Variants in PDE1C observed in about 807,000 individuals in gnomAD.
The protein encoded by PDE1C is phosphodiesterase 1C.
A neutral mutation model predicts 93.1 loss-of-function variants in PDE1C; 62 were observed. The observed-to-expected ratio is 0.67, with a 90% confidence interval of 0.54 to 0.82. PDE1C has a LOEUF of 0.82. Ranked by LOEUF, PDE1C falls within the 40% of genes least tolerant of loss-of-function variation. The pLI, the probability that PDE1C is intolerant of heterozygous loss-of-function variation, is 0.00. For missense variants in PDE1C, 742 were observed against 884.6 expected, an observed-to-expected ratio of 0.84 and a Z score of 2.04; for synonymous variants, 325 against 310.1, an observed-to-expected ratio of 1.05 and a Z score of -0.50.
At chr7:32,113,249 A>ATG (rs1200101836) in intron 3 of PDE1C, among the ~76,000 whole-genome samples, 1 of 138,104 alleles carries the variant, frequency 7.2e-6, no homozygotes, top group Non-Finnish European at 1.5e-5. Flanking sequence ...ATATATATAT[A>ATG]TATATATATA....
At chr7:32,072,789 A>G (rs1316188375), upstream of PDE1C, among the ~76,000 whole-genome samples, 1 of 152,240 alleles carries the variant, frequency 6.6e-6, no homozygotes, top group Non-Finnish European at 1.5e-5. Flanking sequence ...AACTAGAGAG[A>G]AAACTGAACT....
At chr7:32,139,300 CTTTTTTTTTT>C (rs34277412) in intron 3 of PDE1C, among the ~76,000 whole-genome samples, 2 of 82,920 alleles carry the variant, frequency 2.4e-5, no homozygotes, top group African/African-American at 4.8e-5. Context: ...CAAAATCAAC[CTTTTTTTTTT>C]TTTTTTTTTT....
chr7:32,152,369 A>G (rs1584864518), intron 3 of PDE1C, among the ~76,000 whole-genome samples: 1 of 152,242 alleles, frequency 6.6e-6, no homozygotes, highest in Non-Finnish European at 1.5e-5. Context: ...TACAGTCCTC[A>G]CATGAGCAGT....
Position 31,925,039 on chromosome 7 carries a change from CTGTGTGTGTGTGTGTGTG to C in PDE1C, c.129-44197_129-44180del, listed in dbSNP as rs70989622. Among the ~76,000 whole-genome samples the C allele has an allele frequency of 7.6e-3, 1,032 of 135,388 alleles. 7 individuals are homozygous for C. Among genetic ancestry groups the C allele is most frequent in the African/African-American group, 0.023 (848 of 36,722 alleles). The allele number at this position is 135,388 out of a possible 152,430, so 88.8% of individuals were successfully genotyped here. A position where few individuals can be genotyped will look rare whatever the true frequency, so the allele number is the denominator to read the frequency against. ...TTGAAGGAGCTAAAAGTAGACATTT[CTGTGTGTGTGTGTGTGTG>C]TGTGTGTGTGTGTGTGTGTGTGTGT... On this transcript the variant is annotated intron_variant, in intron 2 of 17. Transcript: ENST00000396191.
Position 31,930,848 on chromosome 7 carries a change from CAAAAAAAAAAAAAA to C in PDE1C, c.129-50002_129-49989del, listed in dbSNP as rs56394903. Reference sequence around the variant, plus strand: ...TGGGCAACAGAGCAAGACTCTGTCTCAAAAAAAAAAAAAAAAAAAAAAAAAAAAGCTTATCCACC... The same window carrying C: ...TGGGCAACAGAGCAAGACTCTGTCTCAAAAAAAAAAAAAAGCTTATCCACC... On this transcript the variant is annotated intron_variant, in intron 2 of 17. Transcript: ENST00000396191. 1.5e-4 allele frequency among the ~76,000 whole-genome samples: 5 copies of C among 32,642 alleles called. No homozygotes were observed. In the South Asian group the frequency reaches 7.9e-3, roughly 52 times the overall value. 21.4% of individuals were successfully genotyped at this position (32,642 alleles called of 152,430 possible).
At chr7:32,394,010 A>T (rs1246792444) in intron 1 of PDE1C, among the ~76,000 whole-genome samples, 1 of 152,198 alleles carries the variant, frequency 6.6e-6, no homozygotes, top group Non-Finnish European at 1.5e-5. Flanking sequence ...AAAAGAAAAA[A>T]TACAGGTTAC....
At chr7:31,817,163 T>C (rs1436251110) in intron 14 of PDE1C, among the ~76,000 whole-genome samples, 1 of 152,096 alleles carries the variant, frequency 6.6e-6, no homozygotes, top group African/African-American at 2.4e-5. Flanking sequence ...TATGCTGGAA[T>C]ATAATCAGCA....
intron 2 of PDE1C, chr7:32,169,987 G>A: frequency 6.3e-7 from 1 of 1,593,298 alleles, no homozygotes; most frequent in Non-Finnish European, 8.6e-7. Flanking sequence ...AGATGCAGGT[G>A]AATCATCCAC....
intron 1 of PDE1C, among the ~76,000 whole-genome samples, chr7:32,404,203 T>G (rs1785007408): frequency 6.6e-6 from 1 of 152,176 alleles, no homozygotes; most frequent in Non-Finnish European, 1.5e-5. Flanking sequence ...GCCTATTCCA[T>G]AGGGTTGCTA....
intron 2 of PDE1C, among the ~76,000 whole-genome samples, chr7:31,976,212 T>TA (rs1811643606): frequency 6.6e-6 from 1 of 152,220 alleles, no homozygotes; most frequent in African/African-American, 2.4e-5. Context: ...GATGAAGAAT[T>TA]ATGGAATCTC....
At chr7:32,407,552 T>C (rs1285095178) in intron 1 of PDE1C, among the ~76,000 whole-genome samples, 1 of 152,146 alleles carries the variant, frequency 6.6e-6, no homozygotes, top group East Asian at 1.9e-4. Context: ...CTGATGCTCA[T>C]GTAATCATGT....
intron 2 of PDE1C, among the ~76,000 whole-genome samples, chr7:31,890,899 G>T (rs1443293816): frequency 6.6e-6 from 1 of 152,156 alleles, no homozygotes; most frequent in Non-Finnish European, 1.5e-5. Context: ...TGAAGACAGT[G>T]CATCTTCTTG....
chr7:31,626,682 A>G, the PDE1C span, among the ~76,000 whole-genome samples: 1 of 152,160 alleles, frequency 6.6e-6, no homozygotes, highest in Non-Finnish European at 1.5e-5. Context: ...CTGGATCCCT[A>G]AAGGGACTTA....
chr7:31,823,794 T>A (rs549461476), intron 13 of PDE1C, among the ~76,000 whole-genome samples: 1 of 152,138 alleles, frequency 6.6e-6, no homozygotes, highest in East Asian at 1.9e-4. Context: ...TGTGAGGGAC[T>A]AGGTCATGCA....
At chr7:31,939,542 G>A (rs531623161) in intron 2 of PDE1C, among the ~76,000 whole-genome samples, 69 of 152,232 alleles carry the variant, frequency 4.5e-4, no homozygotes, top group Non-Finnish European at 8.5e-4. Flanking sequence ...TAATCTGAGA[G>A]TTGAGAAAAA....
At chr7:32,049,495 G>A (rs895619925) in intron 2 of PDE1C, among the ~76,000 whole-genome samples, 1 of 152,120 alleles carries the variant, frequency 6.6e-6, no homozygotes, top group African/African-American at 2.4e-5. Context: ...GGATGAGGAA[G>A]GGGCTTTACT....
At chr7:32,253,658 A>G (rs746512466) in intron 1 of PDE1C, among the ~76,000 whole-genome samples, 1 of 152,226 alleles carries the variant, frequency 6.6e-6, no homozygotes, top group Non-Finnish European at 1.5e-5. Flanking sequence ...ATTCAAATGA[A>G]TATTTCTGTG....
intron 3 of PDE1C, among the ~76,000 whole-genome samples, chr7:32,087,716 T>A (rs888123825): frequency 6.6e-6 from 1 of 152,044 alleles, no homozygotes; most frequent in Admixed American, 6.5e-5. Flanking sequence ...ATGGATGAAA[T>A]TGGAAATCAT....
chr7:32,375,848 AT>A (rs1327606253), intron 1 of PDE1C, among the ~76,000 whole-genome samples: 1 of 152,226 alleles, frequency 6.6e-6, no homozygotes, highest in African/African-American at 2.4e-5. Flanking sequence ...ACCTAATATC[AT>A]TTGAACCTTA....
Sources: gnomAD v4.1 joint callset for allele counts (sites outside exome capture counted in the v4.1 genomes callset) on GRCh38, gnomAD v4.1.1 for gene constraint, MANE v1.5 for transcripts, NCBI Gene and HGNC (gene_info 2026-07-23, HGNC 2026-07-21) for gene names.